TOP1: variants seen among roughly 807,000 people sequenced by gnomAD.
TOP1 encodes the protein DNA topoisomerase 1.
A neutral mutation model predicts 111.1 loss-of-function variants in TOP1; 10 were observed. The observed-to-expected ratio is 0.09, with a 90% CI of 0.06 to 0.15. The LOEUF is 0.15. Among genes scored for constraint, TOP1 ranks in the 10% least tolerant of loss-of-function variants. The pLI, the probability that TOP1 is intolerant of heterozygous loss-of-function variation, is 1.00. For missense variants in TOP1, 474 were observed against 926.7 expected (o/e 0.51, Z 6.34); for synonymous variants, 271 against 302.9 (o/e 0.89, Z 1.10).
rs1047552123 is a variant in TOP1, at chr20:41,078,478, A to G, written c.335+841A>G. On this transcript the variant is annotated intron_variant, in intron 5 of 20. Transcript: ENST00000361337. The surrounding 1 kb of genome is among the most constrained non-coding windows in gnomAD (Gnocchi z 5.3). ...GTTTCATTTGTTAAAATTTTTGACAATTGTGCCTGGTACTCTGGGGTCCTT... is the reference window on the plus strand; with the variant it reads ...GTTTCATTTGTTAAAATTTTTGACAGTTGTGCCTGGTACTCTGGGGTCCTT... Among the ~76,000 whole-genome samples, 4 of 152,172 alleles carry G rather than the reference A, an allele frequency of 2.6e-5. No individual in the cohort carries two copies. Among genetic ancestry groups the G allele is most frequent in the African/African-American group, 9.7e-5 (4 of 41,422 alleles).
intron 2 of TOP1, among the ~76,000 whole-genome samples, chr20:41,047,433 A>G (rs981348674): frequency 2.6e-5 from 4 of 152,258 alleles, no homozygotes; most frequent in Admixed American, 6.5e-5. Flanking sequence ...CATATAGCCT[A>G]GGCGGTAGTA....
chr20:41,060,442 G>C (rs1273778833), intron 2 of TOP1, among the ~76,000 whole-genome samples: 1 of 152,126 alleles, frequency 6.6e-6, no homozygotes, highest in African/African-American at 2.4e-5. Context: ...ATGAAATCTA[G>C]AAATCTAGAC....
chr20:41,093,270 G>T (rs931159376), intron 9 of TOP1, among the ~76,000 whole-genome samples: 1 of 152,136 alleles, frequency 6.6e-6, no homozygotes, highest in Admixed American at 6.5e-5. Context: ...TATGTAGATG[G>T]TAATAACTGA....
chr20:41,068,488 C>T (rs1452322031), intron 3 of TOP1, among the ~76,000 whole-genome samples: 7 of 152,264 alleles, frequency 4.6e-5, no homozygotes, highest in Middle Eastern at 3.4e-3. Context: ...TCACTGCAGC[C>T]TCCCTGGGCC....
rs374434919 is a variant in TOP1 at position 41,123,604 on chromosome 20, T to C, written c.*307T>C. On this transcript the variant is annotated 3_prime_UTR_variant, in exon 21 of 21. Coordinates refer to ENST00000361337, the MANE Select transcript of TOP1 (RefSeq NM_003286.4). The surrounding 1 kb of genome is among the most constrained non-coding windows in gnomAD (Gnocchi z 5.8). Reference sequence around the variant, plus strand: ...TCAGCGTTCTACCAGGCAAATTCACTGTTTCACTGAAATGTTTGGATTCTC... The same window carrying C: ...TCAGCGTTCTACCAGGCAAATTCACCGTTTCACTGAAATGTTTGGATTCTC... The C allele has an allele frequency of 3.6e-5, 11 of 305,894 alleles. No homozygotes were observed. The highest frequency in any genetic ancestry group is 1.9e-4 in the African/African-American group (9 of 46,954). 18.9% of individuals were successfully genotyped at this position (305,894 alleles called of 1,614,324 possible). A position where few individuals can be genotyped will look rare whatever the true frequency, so the allele number is the denominator to read the frequency against.
Position 41,069,916 on chromosome 20 carries a change from G to C in TOP1, c.156-6255G>C, listed in dbSNP as rs934343000. On this transcript the variant is annotated intron_variant, in intron 3 of 20. Transcript: ENST00000361337. This position sits in a 1 kb window ranked among gnomAD's most constrained non-coding sequence, Gnocchi z 4.1. ...GAAAGAAAAACATAAGCAAAACATA[G>C]AGGCATTGTAGTATATGCTTTGTTC... Among the ~76,000 whole-genome samples, 2 of 152,142 alleles carry C rather than the reference G, an allele frequency of 1.3e-5. No homozygotes were observed. The highest frequency in any genetic ancestry group is 1.5e-5 in the Non-Finnish European group (1 of 68,028).
In TOP1 at chr20:41,095,510, G is replaced by C. The variant is rs888973826; in HGVS notation, c.731-1710G>C. On this transcript the variant is annotated intron_variant, in intron 9 of 20. Transcript: ENST00000361337. This position sits in a 1 kb window ranked among gnomAD's most constrained non-coding sequence, Gnocchi z 4.6. ...TAATACACAGCCTATCTTCCCCGAA[G>C]TGTCTTTCTTCCAAAGCAGAAGCTT... Among the ~76,000 whole-genome samples, 1 of 152,164 alleles carries C rather than the reference G, an allele frequency of 6.6e-6. No individual in the cohort carries two copies. Among genetic ancestry groups the C allele is most frequent in the Admixed American group, 6.5e-5 (1 of 15,276 alleles).
rs1416860901 is a variant in TOP1 at position 41,032,540 on chromosome 20, T to G, written c.58+3085T>G. On this transcript the variant is annotated intron_variant, in intron 2 of 20. Coordinates refer to ENST00000361337, the MANE Select transcript of TOP1 (RefSeq NM_003286.4). This position sits in a 1 kb window ranked among gnomAD's most constrained non-coding sequence, Gnocchi z 4.3. The stretch of plus-strand genomic sequence containing the variant: ...TAATACCAGGTTAAAGTGTTAGCGA[T>G]TCTTCTGCTGTTTCAGAGGTCTTGA... 6.6e-6 allele frequency among the ~76,000 whole-genome samples: 1 copy of G among 152,220 alleles called. No individual in the cohort carries two copies. The highest frequency in any genetic ancestry group is 1.5e-5 in the Non-Finnish European group (1 of 68,030).
rs2033502979 is a variant in TOP1, at chr20:41,058,586, A to G, written c.59-2808A>G. On this transcript the variant is annotated intron_variant, in intron 2 of 20. Transcript: ENST00000361337. This position sits in a 1 kb window ranked among gnomAD's most constrained non-coding sequence, Gnocchi z 4.2. ...CACTGGCCTCCCCCAGAGCAAGGAGAGAGCAGGAAGGAAGATCTAATACCT... is the reference window on the plus strand; with the variant it reads ...CACTGGCCTCCCCCAGAGCAAGGAGGGAGCAGGAAGGAAGATCTAATACCT... 6.6e-6 allele frequency among the ~76,000 whole-genome samples: 1 copy of G among 152,180 alleles called. No individual in the cohort carries two copies. The highest frequency in any genetic ancestry group is 2.4e-5 in the African/African-American group (1 of 41,438).
At position 41,061,562 on chromosome 20, in the gene TOP1, G is replaced by C; in HGVS notation, c.155+72G>C. 1 of 1,296,246 alleles carries C rather than the reference G, an allele frequency of 7.7e-7. No homozygotes were observed. The allele number at this position is 1,296,246 out of a possible 1,614,324, so 80.3% of individuals were successfully genotyped here. ...GCCATTGCTTGGCTTACCTGGAATA[G>C]GTCTTAACTTGAGCTACATGTAAAG... is the stretch of plus-strand genomic sequence containing the variant. On this transcript the variant is annotated intron_variant, in intron 3 of 20. Transcript: ENST00000361337. The surrounding 1 kb of genome is among the most constrained non-coding windows in gnomAD (Gnocchi z 4.6).
chr20:41,031,790 C>G (rs377472997), intron 2 of TOP1, among the ~76,000 whole-genome samples: 1 of 152,030 alleles, frequency 6.6e-6, no homozygotes, highest in African/African-American at 2.4e-5. Context: ...CTATATGATA[C>G]TAGCATGAAA....
chr20:41,073,385 AAAAG>A (rs530016145), intron 3 of TOP1: 163 of 984,124 alleles, frequency 1.7e-4, no homozygotes, highest in African/African-American at 5.6e-4. Context: ...AAAAAAAAAA[AAAAG>A]AAAGAAAGAA....
rs2033616656 is a variant in TOP1, at chr20:41,067,004, C to G, written c.155+5514C>G. 6.6e-6 allele frequency among the ~76,000 whole-genome samples: 1 copy of G among 152,198 alleles called. No homozygotes were observed. The highest frequency in any genetic ancestry group is 2.1e-4 in the South Asian group (1 of 4,830). On this transcript the variant is annotated intron_variant, in intron 3 of 20. Coordinates refer to ENST00000361337, the MANE Select transcript of TOP1 (RefSeq NM_003286.4). This position sits in a 1 kb window ranked among gnomAD's most constrained non-coding sequence, Gnocchi z 4.0. ...TCTTATTCACATGAGTAAATTTTAACAGTTTAATCAGATGATCTGTTGTAA... is the reference window on the plus strand; with the variant it reads ...TCTTATTCACATGAGTAAATTTTAAGAGTTTAATCAGATGATCTGTTGTAA...
chr20:41,120,029 C>T (rs2034396592), intron 18 of TOP1, among the ~76,000 whole-genome samples: 1 of 152,246 alleles, frequency 6.6e-6, no homozygotes, highest in Admixed American at 6.5e-5. Context: ...GCCAGATGAG[C>T]CCTCCAAACC....
chr20:41,054,308 G>A (rs927990599), intron 2 of TOP1, among the ~76,000 whole-genome samples: 3 of 144,332 alleles, frequency 2.1e-5, no homozygotes, highest in Non-Finnish European at 3.0e-5. Context: ...CCCCGCCCCC[G>A]CACCTGCCCC....
intron 2 of TOP1, among the ~76,000 whole-genome samples, chr20:41,045,280 G>A (rs1384602700): frequency 6.6e-6 from 1 of 152,106 alleles, no homozygotes; most frequent in Non-Finnish European, 1.5e-5. Flanking sequence ...AGTGATTGGG[G>A]CTCTTGGAAT....
chr20:41,035,672 G>A (rs934590790), intron 2 of TOP1, among the ~76,000 whole-genome samples: 2 of 152,140 alleles, frequency 1.3e-5, no homozygotes, highest in Non-Finnish European at 2.9e-5. Context: ...AAAGATAGAT[G>A]CCTAGGACTT....
rs2034086960 is a variant in TOP1, at chr20:41,102,924, T to C, written c.1308+1571T>C. Reference sequence around the variant, plus strand: ...ACCTTAGAGATCAACAATAACTTTATGAAGAAAAGTAGGTTATGGTTGGGT... The same window carrying C: ...ACCTTAGAGATCAACAATAACTTTACGAAGAAAAGTAGGTTATGGTTGGGT... On this transcript the variant is annotated intron_variant, in intron 13 of 20. Transcript: ENST00000361337. This position sits in a 1 kb window ranked among gnomAD's most constrained non-coding sequence, Gnocchi z 4.0. 6.6e-6 allele frequency among the ~76,000 whole-genome samples: 1 copy of C among 152,166 alleles called. No homozygotes were observed. Among genetic ancestry groups the C allele is most frequent in the Admixed American group, 6.5e-5 (1 of 15,280 alleles).
intron 9 of TOP1, among the ~76,000 whole-genome samples, chr20:41,096,777 T>C (rs148564850): frequency 3.8e-4 from 58 of 152,314 alleles, no homozygotes; most frequent in East Asian, 2.9e-3. Context: ...TTCCCCACAA[T>C]TCCTTTCTTC....
Sources: gnomAD v4.1 joint callset for allele counts (sites outside exome capture counted in the v4.1 genomes callset) on GRCh38, gnomAD v4.1.1 for gene constraint, Gnocchi (gnomAD v3.1) non-coding constraint, MANE v1.5 for transcripts, NCBI Gene and HGNC (gene_info 2026-07-23, HGNC 2026-07-21) for gene names.